Variants in NCALD observed in about 807,000 individuals in gnomAD.
The protein encoded by NCALD is neurocalcin-delta.
Under a neutral mutation model 18.6 loss-of-function variants are expected in NCALD, and 10 were observed. The ratio of observed to expected loss-of-function variants is 0.54; its 90% CI spans 0.33 to 0.91. NCALD has a LOEUF of 0.91. NCALD is among the 40% of genes least tolerant of loss of function. The pLI is 0.03. For missense variants in NCALD, 184 were observed against 247.6 expected, an observed-to-expected ratio of 0.74 and a Z score of 1.72; for synonymous variants, 88 against 87.4, an observed-to-expected ratio of 1.01 and a Z score of -0.04.
intron 2 of NCALD, among the ~76,000 whole-genome samples, chr8:102,009,507 G>T (rs1937533688): frequency 6.6e-6 from 1 of 152,114 alleles, no homozygotes; most frequent in African/African-American, 2.4e-5. Context: ...CTTAGCTGGG[G>T]TCCTTCATAT....
At chr8:101,983,890 C>T (rs1227869028) in intron 2 of NCALD, among the ~76,000 whole-genome samples, 3 of 152,206 alleles carry the variant, frequency 2.0e-5, no homozygotes, top group African/African-American at 7.2e-5. Context: ...GTTTGGTGCC[C>T]TACCCAGTCC....
intron 1 of NCALD, among the ~76,000 whole-genome samples, chr8:102,030,889 A>G (rs561413980): frequency 6.6e-6 from 1 of 151,860 alleles, no homozygotes; most frequent in Admixed American, 6.6e-5. Context: ...AAATAAATAA[A>G]TAAATAAATA....
intron 1 of NCALD, among the ~76,000 whole-genome samples, chr8:102,105,789 G>A (rs1161545380): frequency 1.3e-5 from 2 of 152,098 alleles, no homozygotes; most frequent in African/African-American, 4.8e-5. Context: ...CATGGCTCCA[G>A]AGTGACCTGC....
intron 1 of NCALD, among the ~76,000 whole-genome samples, chr8:101,729,691 C>A (rs1344653498): frequency 1.3e-5 from 2 of 152,202 alleles, no homozygotes; most frequent in Non-Finnish European, 2.9e-5. Context: ...TTCCCTACAG[C>A]ATGAGATAAA....
At chr8:101,788,952 T>C (rs906612208) in intron 1 of NCALD, 6 of 152,226 alleles carry the variant, frequency 3.9e-5, no homozygotes, top group African/African-American at 1.4e-4. Context: ...TGTTTTCTTT[T>C]AGTGATAAAC....
chr8:101,880,893 T>G (rs1173503291), intron 4 of NCALD, among the ~76,000 whole-genome samples: 1 of 152,104 alleles, frequency 6.6e-6, no homozygotes, highest in Non-Finnish European at 1.5e-5. Flanking sequence ...GTAATGGAGA[T>G]AAATGTGAAA....
intron 4 of NCALD, among the ~76,000 whole-genome samples, chr8:101,810,846 T>G (rs962557190): frequency 6.6e-6 from 1 of 152,076 alleles, no homozygotes; most frequent in African/African-American, 2.4e-5. Context: ...AACACTGTAA[T>G]AGAGGTGAAT....
intron 4 of NCALD, among the ~76,000 whole-genome samples, chr8:101,804,337 A>ATAT (rs1563785754): frequency 1.7e-4 from 6 of 35,342 alleles, no homozygotes; most frequent in South Asian, 8.5e-4. Flanking sequence ...TAATTATATC[A>ATAT]ATTATATATT....
intron 1 of NCALD, among the ~76,000 whole-genome samples, chr8:102,105,264 C>CA (rs1342140380): frequency 1.3e-5 from 2 of 151,962 alleles, no homozygotes; most frequent in African/African-American, 4.8e-5. Context: ...GTAAAGATAA[C>CA]AAAAAATGTT....
rs151299628 is a variant in NCALD, at chr8:101,753,583, T to C, written c.-19-33935A>G. Among the ~76,000 whole-genome samples, 416 of 152,352 alleles carry C rather than the reference T, an allele frequency of 2.7e-3. 3 individuals carry two copies. Among genetic ancestry groups the C allele is most frequent in the African/African-American group, 9.6e-3 (400 of 41,580 alleles). On this transcript the variant is annotated intron_variant, in intron 1 of 3. Transcript: ENST00000220931. Reference sequence around the variant, plus strand: ...CAGTTACAATAACTTTATCTTACCATGGACTGGCTTGGGAAGGGACTTGGG... The same window carrying C: ...CAGTTACAATAACTTTATCTTACCACGGACTGGCTTGGGAAGGGACTTGGG...
intron 3 of NCALD, among the ~76,000 whole-genome samples, chr8:101,901,513 G>A (rs1817421213): frequency 6.6e-6 from 1 of 151,562 alleles, no homozygotes; most frequent in African/African-American, 2.4e-5. Flanking sequence ...GTGTTTTTAG[G>A]TATATCTCTT....
chr8:101,806,948 A>C (rs1813124853), intron 4 of NCALD, among the ~76,000 whole-genome samples: 1 of 152,110 alleles, frequency 6.6e-6, no homozygotes, highest in African/African-American at 2.4e-5. Context: ...AAACCTTAAT[A>C]AGATTAACAA....
chr8:101,861,249 T>C (rs1363773242), intron 4 of NCALD, among the ~76,000 whole-genome samples: 1 of 152,064 alleles, frequency 6.6e-6, no homozygotes, highest in African/African-American at 2.4e-5. Context: ...TTGTTCCTCT[T>C]GATTTGGGTT....
At chr8:102,006,152 T>A (rs1821703020) in intron 2 of NCALD, among the ~76,000 whole-genome samples, 1 of 152,222 alleles carries the variant, frequency 6.6e-6, no homozygotes, top group African/African-American at 2.4e-5. Context: ...GTATCTCAGA[T>A]GGCACTTCTT....
chr8:101,944,820 G>A (rs1369127449), intron 2 of NCALD, among the ~76,000 whole-genome samples: 2 of 152,202 alleles, frequency 1.3e-5, no homozygotes, highest in East Asian at 3.8e-4. Flanking sequence ...AGGCCCAAGA[G>A]TAACAACAGC....
In NCALD at chr8:102,081,567, A is replaced by AC. The variant is rs1824534474; in HGVS notation, c.-210+42669_-210+42670insG. 2.7e-5 allele frequency among the ~76,000 whole-genome samples: 3 copies of AC among 111,782 alleles called. No homozygotes were observed. In the East Asian group the frequency reaches 5.8e-4, roughly 22 times the overall value. 73.3% of individuals were successfully genotyped at this position (111,782 alleles called of 152,430 possible). On this transcript the variant is annotated intron_variant, in intron 1 of 6. Coordinates refer to the NCALD transcript ENST00000311028. ...TGGTAAAAAAAAAAAAAAAAAAAAA[A>AC]AAAAAAAAACCCCAAAAAAAACTGG... is the stretch of plus-strand genomic sequence containing the variant.
chr8:101,721,445 ATGGAATAATTT>A (rs1238632363), intron 1 of NCALD: 1 of 152,338 alleles, frequency 6.6e-6, no homozygotes, highest in Admixed American at 6.5e-5. Flanking sequence ...AAGTGGAAAC[ATGGAATAATTT>A]TGGAAAAGGA....
chr8:102,010,154 G>A (rs1047799319), intron 2 of NCALD, among the ~76,000 whole-genome samples: 1 of 152,246 alleles, frequency 6.6e-6, no homozygotes, highest in African/African-American at 2.4e-5. Context: ...CAAACACGTA[G>A]CACCCTCCAG....
chr8:101,849,121 C>G (rs1814991240), intron 4 of NCALD, among the ~76,000 whole-genome samples: 1 of 152,176 alleles, frequency 6.6e-6, no homozygotes, highest in African/African-American at 2.4e-5. Flanking sequence ...AAACCAAACA[C>G]TGCATGTTCT....
Sources: gnomAD v4.1 joint callset for allele counts (sites outside exome capture counted in the v4.1 genomes callset) on GRCh38, gnomAD v4.1.1 for gene constraint, MANE v1.5 for transcripts, NCBI Gene and HGNC (gene_info 2026-07-23, HGNC 2026-07-21) for gene names.